Variants in MBD5 observed in about 807,000 individuals in gnomAD.
MBD5 encodes the protein methyl-CpG binding domain protein 5.
In MBD5, 13 loss-of-function variants were observed where a neutral mutation model predicts 117.3. The observed-to-expected ratio is 0.11, with a 90% CI of 0.07 to 0.18. The LOEUF is 0.18. Ranked by LOEUF, MBD5 falls within the 10% of genes least tolerant of loss-of-function variation. The pLI is 1.00. For synonymous variants in MBD5, 727 were observed against 766.4 expected (o/e 0.95, Z 0.85); for missense variants, 1,879 against 2,093.8 (o/e 0.90, Z 2.00).
At chr2:148,224,387 G>C (rs755409525) in intron 2 of MBD5, among the ~76,000 whole-genome samples, 118 of 152,110 alleles carry the variant, frequency 7.8e-4, no homozygotes, top group African/African-American at 2.8e-3. Context: ...TCCGTCACCA[G>C]GCTGGAGTGC....
intron 3 of MBD5, among the ~76,000 whole-genome samples, chr2:148,313,351 C>T (rs2656324): frequency 0.28 from 41,841 of 152,082 alleles, 6,568 homozygotes; most frequent in Admixed American, 0.37. Context: ...ATGCTGTTCT[C>T]AGAGAGGAGG....
intron 1 of MBD5, chr2:148,028,657 C>T (rs1010408759): frequency 1.3e-5 from 2 of 151,980 alleles, no homozygotes; most frequent in African/African-American, 4.8e-5. Flanking sequence ...AAATATTCCA[C>T]ATTCAATAAA....
In MBD5 at chr2:148,177,626, C is replaced by G. The variant is rs138804290; in HGVS notation, c.-924-1074C>G. Among the ~76,000 whole-genome samples the G allele has an allele frequency of 9.3e-3, 1,417 of 152,226 alleles. 9 individuals are homozygous for G. The highest frequency in any genetic ancestry group is 0.015 in the Non-Finnish European group (1,005 of 68,008). On this transcript the variant is annotated intron_variant, in intron 1 of 13. Transcript: ENST00000642680. Reference sequence around the variant, plus strand: ...GTCTTATTAATATGTAGAAACTAAGCTAAATATTTGCAGTGAAATTGTTTC... The same window carrying G: ...GTCTTATTAATATGTAGAAACTAAGGTAAATATTTGCAGTGAAATTGTTTC...
chr2:148,283,433 A>C (rs977988872), intron 3 of MBD5, among the ~76,000 whole-genome samples: 1 of 152,178 alleles, frequency 6.6e-6, no homozygotes, highest in African/African-American at 2.4e-5. Context: ...CTAAGACCAA[A>C]GTATTAGAAT....
intron 12 of MBD5, chr2:148,502,863 A>G: frequency 1.1e-5 from 4 of 356,876 alleles, no homozygotes; most frequent in Non-Finnish European, 2.1e-5. Flanking sequence ...TTGCAATTCA[A>G]ATACTTTGGG....
intron 3 of MBD5, among the ~76,000 whole-genome samples, chr2:148,255,828 C>T (rs1161197954): frequency 6.6e-6 from 1 of 152,246 alleles, no homozygotes; most frequent in East Asian, 1.9e-4. Flanking sequence ...CTGCAGCTTG[C>T]AGGTTGTATG....
At chr2:148,371,829 A>G (rs890379922) in intron 4 of MBD5, among the ~76,000 whole-genome samples, 1 of 152,164 alleles carries the variant, frequency 6.6e-6, no homozygotes, top group Non-Finnish European at 1.5e-5. Flanking sequence ...CTCTTATTAT[A>G]CATGTAGTGA....
At chr2:148,371,486 G>C (rs758593915) in intron 4 of MBD5, among the ~76,000 whole-genome samples, 3 of 152,128 alleles carry the variant, frequency 2.0e-5, no homozygotes, top group Non-Finnish European at 2.9e-5. Context: ...AAGTTACACT[G>C]TATCAACAAC....
intron 1 of MBD5, among the ~76,000 whole-genome samples, chr2:148,056,911 C>A (rs1694881120): frequency 1.3e-5 from 2 of 151,302 alleles, no homozygotes; most frequent in African/African-American, 4.8e-5. Context: ...TTTTAGTTGT[C>A]AAAGGATTAT....
chr2:148,473,460 G>C (rs905736734), intron 8 of MBD5, among the ~76,000 whole-genome samples: 9 of 152,108 alleles, frequency 5.9e-5, no homozygotes, highest in African/African-American at 2.2e-4. Context: ...TGTGGTTACA[G>C]AGCTTAGATA....
chr2:148,107,459 A>G (rs953933879), intron 1 of MBD5, among the ~76,000 whole-genome samples: 1 of 151,666 alleles, frequency 6.6e-6, no homozygotes, highest in East Asian at 1.9e-4. Context: ...TATAGCCTCT[A>G]CCTTCTCTCT....
chr2:148,485,626 A>G, intron 9 of MBD5, 116 bp from the exon 10 acceptor site: 2 of 775,786 alleles, frequency 2.6e-6, no homozygotes, highest in Non-Finnish European at 4.4e-6. Flanking sequence ...AAAGAAAAGC[A>G]TTACCCAAGT....
intron 12 of MBD5, among the ~76,000 whole-genome samples, chr2:148,507,615 C>T (rs1349315196): frequency 1.3e-5 from 2 of 152,122 alleles, no homozygotes; most frequent in South Asian, 2.1e-4. Flanking sequence ...AAAAATTAGC[C>T]GGGCGCGGTG....
chr2:148,279,289 G>A (rs1319438989), intron 3 of MBD5, among the ~76,000 whole-genome samples: 1 of 152,170 alleles, frequency 6.6e-6, no homozygotes, highest in African/African-American at 2.4e-5. Context: ...AGTTATCTGG[G>A]TGTGGTGGCA....
chr2:148,200,420 G>A (rs188003031), intron 2 of MBD5, among the ~76,000 whole-genome samples: 3 of 152,178 alleles, frequency 2.0e-5, no homozygotes, highest in African/African-American at 2.4e-5. Flanking sequence ...GGCTGGGCGC[G>A]GTGGCTCATG....
At chr2:148,324,296 T>C (rs2106589340) in intron 3 of MBD5, among the ~76,000 whole-genome samples, 1 of 152,332 alleles carries the variant, frequency 6.6e-6, no homozygotes, top group Non-Finnish European at 1.5e-5. Context: ...AGCTTTGTTC[T>C]TTTGGCTCAG....
rs1680661557 is a variant in MBD5, at chr2:148,468,434, G to A, written c.491G>A (p.Cys164Tyr). ...EGITNSVMPE[C>Y]KNPFKLMIGS... ...ATTACAAATTCTGTAATGCCTGAATGTAAGAATCCTTTCAAGTTAATGATT... is the reference window on the plus strand; with the variant it reads ...ATTACAAATTCTGTAATGCCTGAATATAAGAATCCTTTCAAGTTAATGATT... The change falls in exon 8 of 14, where the codon TGT becomes TAT. Residue 164 changes from cysteine to tyrosine, a missense_variant. Cys to Tyr is a radical substitution (Grantham distance 194). This residue lies in a region of MBD5 where 1,666 missense variants were observed against 1,792.2 expected (regional missense o/e 0.93). Transcript: ENST00000642680. 1 of 1,613,708 alleles carries A rather than the reference G, an allele frequency of 6.2e-7. No homozygotes were observed. The highest frequency in any genetic ancestry group is 8.5e-7 in the Non-Finnish European group (1 of 1,179,778).
At chr2:148,372,335 C>T (rs1203530599) in intron 4 of MBD5, among the ~76,000 whole-genome samples, 1 of 151,856 alleles carries the variant, frequency 6.6e-6, no homozygotes, top group Non-Finnish European at 1.5e-5. Context: ...AGATTTTTTC[C>T]TAAGAAAATA....
chr2:148,051,750 A>G (rs890347543), intron 1 of MBD5, among the ~76,000 whole-genome samples: 2 of 152,042 alleles, frequency 1.3e-5, no homozygotes, highest in Non-Finnish European at 2.9e-5. Flanking sequence ...TAATTCTTCT[A>G]GATTAAATTT....
Sources: allele counts gnomAD v4.1 joint callset (sites outside exome capture counted in the v4.1 genomes callset), GRCh38; gene constraint gnomAD v4.1.1; regional missense constraint gnomAD v4.1.1; transcripts MANE v1.5; gene names NCBI Gene and HGNC (gene_info 2026-07-23, HGNC 2026-07-21).